Variants in ADGRL2 observed in about 807,000 individuals in gnomAD.
ADGRL2 encodes the protein adhesion G protein-coupled receptor L2, also known as calcium-independent alpha-latrotoxin receptor 2.
Under a neutral mutation model 157.4 loss-of-function variants are expected in ADGRL2, and 44 were observed. The observed-to-expected ratio is 0.28, with a 90% CI of 0.22 to 0.36. The LOEUF is 0.36. Among genes scored for constraint, ADGRL2 ranks in the 10% least tolerant of loss-of-function variants. The probability of loss-of-function intolerance (pLI) is 1.00; values close to 1 mark genes in which losing one functional copy is unlikely to be tolerated. For missense variants in ADGRL2, 1,510 were observed against 1,768.9 expected (o/e 0.85, Z 2.63); for synonymous variants, 585 against 624.7 (o/e 0.94, Z 0.95).
intron 2 of ADGRL2, among the ~76,000 whole-genome samples, chr1:81,885,013 G>A (rs2094091898): frequency 6.6e-6 from 1 of 152,078 alleles, no homozygotes; most frequent in Non-Finnish European, 1.5e-5. Context: ...AGTTAAGGAA[G>A]TAAAAATAAT....
At chr1:81,532,740 C>A (rs1244397171) in intron 2 of ADGRL2, among the ~76,000 whole-genome samples, 6 of 151,486 alleles carry the variant, frequency 4.0e-5, no homozygotes, top group East Asian at 3.9e-4. Context: ...CATAGTGAGA[C>A]CTCACCACTA....
intron 2 of ADGRL2, among the ~76,000 whole-genome samples, chr1:81,479,104 C>G (rs1453396252): frequency 6.6e-6 from 1 of 151,932 alleles, no homozygotes; most frequent in Non-Finnish European, 1.5e-5. Context: ...ATTTTGTAAC[C>G]AATTTGTATA....
chr1:81,310,322 T>A (rs1280506031), intron 1 of ADGRL2, among the ~76,000 whole-genome samples: 1 of 152,154 alleles, frequency 6.6e-6, no homozygotes, highest in Non-Finnish European at 1.5e-5. Flanking sequence ...CCACTTTCTT[T>A]CCTCCCAATG....
intron 2 of ADGRL2, among the ~76,000 whole-genome samples, chr1:81,447,893 C>T (rs747963987): frequency 2.0e-5 from 3 of 151,918 alleles, no homozygotes; most frequent in South Asian, 2.1e-4. Context: ...AACGGTTTAG[C>T]ACCATCTTTT....
chr1:81,707,504 T>C (rs2083776443), intron 1 of ADGRL2, among the ~76,000 whole-genome samples: 1 of 152,184 alleles, frequency 6.6e-6, no homozygotes, highest in Non-Finnish European at 1.5e-5. Context: ...AGCTATAGAA[T>C]TCTCACAAAA....
intron 1 of ADGRL2, among the ~76,000 whole-genome samples, chr1:81,399,328 A>G (rs2076710886): frequency 6.6e-6 from 1 of 152,160 alleles, no homozygotes. Flanking sequence ...CTCTGTTGAG[A>G]TTTGGGGATT....
chr1:81,428,268 T>A (rs151008641), intron 1 of ADGRL2, among the ~76,000 whole-genome samples: 63 of 152,226 alleles, frequency 4.1e-4, no homozygotes, highest in African/African-American at 1.2e-3. Flanking sequence ...GATTGGGTAT[T>A]TAAATTAGCA....
intron 2 of ADGRL2, among the ~76,000 whole-genome samples, chr1:81,468,276 A>G (rs948962428): frequency 2.6e-5 from 4 of 152,180 alleles, no homozygotes; most frequent in Non-Finnish European, 5.9e-5. Context: ...AATTATGCTA[A>G]TAGCTCAGCC....
chr1:81,527,618 G>T (rs1165083952), intron 2 of ADGRL2, among the ~76,000 whole-genome samples: 1 of 151,956 alleles, frequency 6.6e-6, no homozygotes, highest in Non-Finnish European at 1.5e-5. Context: ...AGGCTGAGAC[G>T]GGAGAATCAC....
chr1:81,827,283 T>C (rs2091571274), intron 1 of ADGRL2, among the ~76,000 whole-genome samples: 1 of 152,182 alleles, frequency 6.6e-6, no homozygotes, highest in South Asian at 2.1e-4. Context: ...GTATTTCATA[T>C]GGATAAGTAG....
rs1160323263 is a variant in ADGRL2 at position 81,966,618 on chromosome 1, A to G, written c.2349+9A>G. ...CCCTGCCACACATTGATGTAAGTTA[A>G]TGTATGCTAATGAAGTAATGGAAGG... On this transcript the variant is annotated intron_variant, in intron 13 of 23. Transcript: ENST00000686636. 6.2e-7 allele frequency: 1 copy of G among 1,609,294 alleles called. No individual in the cohort carries two copies. Among genetic ancestry groups the G allele is most frequent in the Non-Finnish European group, 8.5e-7 (1 of 1,175,584 alleles).
At chr1:81,738,601 T>A (rs1571018262) in intron 1 of ADGRL2, among the ~76,000 whole-genome samples, 1 of 152,064 alleles carries the variant, frequency 6.6e-6, no homozygotes, top group Non-Finnish European at 1.5e-5. Context: ...GCAGTTCAGG[T>A]GAGATGAAGA....
intron 1 of ADGRL2, among the ~76,000 whole-genome samples, chr1:81,401,960 C>G (rs2076764319): frequency 6.6e-6 from 1 of 152,040 alleles, no homozygotes; most frequent in Non-Finnish European, 1.5e-5. Flanking sequence ...AGATTTCCCT[C>G]TAAAGGATTA....
At chr1:81,663,734 C>T (rs1235474860) in intron 3 of ADGRL2, among the ~76,000 whole-genome samples, 1 of 152,148 alleles carries the variant, frequency 6.6e-6, no homozygotes, top group Admixed American at 6.5e-5. Context: ...TATTAAATCT[C>T]CCATTTGCAG....
At chr1:81,440,652 C>T (rs1408756741) in intron 1 of ADGRL2, among the ~76,000 whole-genome samples, 2 of 152,206 alleles carry the variant, frequency 1.3e-5, no homozygotes, top group Non-Finnish European at 2.9e-5. Flanking sequence ...CTTCTTGACA[C>T]ATCAAACACA....
Position 81,498,489 on chromosome 1 carries a change from T to C in ADGRL2, c.-248+53400T>C, listed in dbSNP as rs1277516044. Among the ~76,000 whole-genome samples, 3 of 152,158 alleles carry C rather than the reference T, an allele frequency of 2.0e-5. No individual in the cohort carries two copies. In the East Asian group the frequency reaches 5.8e-4, roughly 29 times the overall value. ...TATATCTCTTTTGTGCATTGTCAAG[T>C]GCCCACCACAATTTGTCTCCCCCAT... On this transcript the variant is annotated intron_variant, in intron 2 of 24. Transcript: ENST00000370721.
intron 1 of ADGRL2, among the ~76,000 whole-genome samples, chr1:81,824,649 A>G (rs2091294216): frequency 1.3e-5 from 2 of 152,200 alleles, no homozygotes; most frequent in Admixed American, 6.5e-5. Context: ...CAACTACTGT[A>G]CAAATGACAA....
chr1:81,366,221 G>A (rs1439764543), intron 1 of ADGRL2, among the ~76,000 whole-genome samples: 12 of 151,648 alleles, frequency 7.9e-5, no homozygotes, highest in Admixed American at 7.9e-4. Context: ...CAAGGAAAAG[G>A]AATCTTAGGC....
At chr1:81,361,178 C>G (rs777436973) in intron 1 of ADGRL2, among the ~76,000 whole-genome samples, 3 of 151,916 alleles carry the variant, frequency 2.0e-5, no homozygotes, top group Admixed American at 2.0e-4. Context: ...ATTCACTGGG[C>G]TACATTCTCA....
Sources: allele counts gnomAD v4.1 joint callset (sites outside exome capture counted in the v4.1 genomes callset), GRCh38; gene constraint gnomAD v4.1.1; transcripts MANE v1.5; gene names NCBI Gene and HGNC (gene_info 2026-07-23, HGNC 2026-07-21).